EEIG2: variants seen among roughly 807,000 people sequenced by gnomAD.
The protein encoded by EEIG2 is EEIG family member 2, also known as family with sequence similarity 102 member B.
the EEIG2 span, chr1:108,612,331 A>G: frequency 6.7e-5 from 93 of 1,381,034 alleles, no homozygotes; most frequent in Admixed American, 1.7e-3. Context: ...CAAGAATAAA[A>G]TTATCTGCCT....
the EEIG2 span, among the ~76,000 whole-genome samples, chr1:108,581,607 C>G: frequency 6.6e-6 from 1 of 152,162 alleles, no homozygotes; most frequent in African/African-American, 2.4e-5. Flanking sequence ...CAAGACTTCA[C>G]TGGCTGCAGA....
the EEIG2 span, among the ~76,000 whole-genome samples, chr1:108,577,829 T>A: frequency 9.9e-5 from 15 of 150,768 alleles, no homozygotes; most frequent in East Asian, 1.9e-3. Context: ...TTTCCAATTC[T>A]GTGAAGAAAG....
the EEIG2 span, among the ~76,000 whole-genome samples, chr1:108,582,625 T>A: frequency 3.3e-5 from 5 of 151,294 alleles, no homozygotes; most frequent in Non-Finnish European, 4.4e-5. Flanking sequence ...TTACTACCAA[T>A]AATAATCATC....
At chr1:108,606,461 C>G in the EEIG2 span, among the ~76,000 whole-genome samples, 13 of 152,160 alleles carry the variant, frequency 8.5e-5, no homozygotes, top group African/African-American at 3.1e-4. Flanking sequence ...TCTTTAGATT[C>G]AGCCTCCCTG....
chr1:108,635,462 C>A, the EEIG2 span: 1 of 244,076 alleles, frequency 4.1e-6, no homozygotes, highest in Non-Finnish European at 7.9e-6. Flanking sequence ...GCATTATATA[C>A]ATCGGAGTAT....
the EEIG2 span, among the ~76,000 whole-genome samples, chr1:108,619,117 C>T: frequency 6.6e-6 from 1 of 152,124 alleles, no homozygotes; most frequent in Non-Finnish European, 1.5e-5. Flanking sequence ...CCCTTTCTTG[C>T]CCTTTCTCTT....
chr1:108,606,854 G>T, the EEIG2 span, among the ~76,000 whole-genome samples: 1 of 151,900 alleles, frequency 6.6e-6, no homozygotes, highest in African/African-American at 2.4e-5. Flanking sequence ...GTAGAGATGG[G>T]GTCTTGCTAT....
chr1:108,573,980 T>C, the EEIG2 span, among the ~76,000 whole-genome samples: 1 of 152,322 alleles, frequency 6.6e-6, no homozygotes, highest in African/African-American at 2.4e-5. Context: ...AGTATGGTGG[T>C]CCCTCAAAAA....
chr1:108,612,343 T>C, the EEIG2 span: 2 of 1,221,806 alleles, frequency 1.6e-6, no homozygotes, highest in African/African-American at 1.5e-5. Flanking sequence ...TATCTGCCTT[T>C]AAATAAGCGT....
the EEIG2 span, among the ~76,000 whole-genome samples, chr1:108,575,906 A>G: frequency 2.0e-5 from 3 of 152,064 alleles, no homozygotes; most frequent in African/African-American, 7.3e-5. Context: ...TTCACAAACA[A>G]TATACTAAAA....
the EEIG2 span, among the ~76,000 whole-genome samples, chr1:108,592,785 G>T: frequency 6.6e-6 from 1 of 152,196 alleles, no homozygotes; most frequent in South Asian, 2.1e-4. Flanking sequence ...GTCTATGTCA[G>T]TTAGGATTTA....
chr1:108,581,575 T>C, the EEIG2 span, among the ~76,000 whole-genome samples: 2 of 152,168 alleles, frequency 1.3e-5, no homozygotes, highest in Non-Finnish European at 2.9e-5. Context: ...ATTTCGGTCC[T>C]CATGGATGAC....
the EEIG2 span, among the ~76,000 whole-genome samples, chr1:108,612,652 A>G: frequency 3.9e-5 from 6 of 152,350 alleles, no homozygotes; most frequent in Admixed American, 3.3e-4. Flanking sequence ...CGATAGGTAC[A>G]TAGAAGCCAC....
the EEIG2 span, chr1:108,638,325 G>A: frequency 6.6e-6 from 1 of 152,100 alleles, no homozygotes; most frequent in Non-Finnish European, 1.5e-5. Flanking sequence ...CTAGAAGGGA[G>A]AAAAAAATCT....
chr1:108,619,411 G>A, the EEIG2 span, among the ~76,000 whole-genome samples: 2 of 152,088 alleles, frequency 1.3e-5, no homozygotes, highest in African/African-American at 4.8e-5. Context: ...TGCACATACT[G>A]AATATGTACT....
At chr1:108,591,299 C>T in the EEIG2 span, among the ~76,000 whole-genome samples, 3 of 152,006 alleles carry the variant, frequency 2.0e-5, no homozygotes, top group Non-Finnish European at 4.4e-5. Context: ...TGTGTGTGTG[C>T]GTGTGTGTAC....
chr1:108,628,015 C>T, the EEIG2 span: 1 of 628,738 alleles, frequency 1.6e-6, no homozygotes, highest in Non-Finnish European at 2.9e-6. Flanking sequence ...ACAGTTACTT[C>T]CATTGCACTG....
the EEIG2 span, among the ~76,000 whole-genome samples, chr1:108,588,677 T>C: frequency 2.6e-5 from 4 of 152,100 alleles, no homozygotes; most frequent in Non-Finnish European, 4.4e-5. Flanking sequence ...TGTCTTCTTT[T>C]GAGAAATCTC....
At chr1:108,567,808 G>A in the EEIG2 span, among the ~76,000 whole-genome samples, 1 of 152,084 alleles carries the variant, frequency 6.6e-6, no homozygotes, top group Admixed American at 6.6e-5. Flanking sequence ...GAACAGCCTG[G>A]GCAACATAGT....
Sources: allele counts gnomAD v4.1 joint callset (sites outside exome capture counted in the v4.1 genomes callset), GRCh38; gene constraint gnomAD v4.1.1; transcripts MANE v1.5; gene names NCBI Gene and HGNC (gene_info 2026-07-23, HGNC 2026-07-21).